AFG2B: variants seen among roughly 807,000 people sequenced by gnomAD.
AFG2B encodes the protein AAA ATPase AFG2B, also known as ATPase family gene 2 protein homolog B.
At chr15:45,409,270 G>A in the AFG2B span, among the ~76,000 whole-genome samples, 1 of 151,644 alleles carries the variant, frequency 6.6e-6, no homozygotes, top group Non-Finnish European at 1.5e-5. Context: ...CCAGCTACTC[G>A]GTAGGCTGAG....
chr15:45,406,591 G>T, the AFG2B span, among the ~76,000 whole-genome samples: 1 of 152,040 alleles, frequency 6.6e-6, no homozygotes, highest in Admixed American at 6.5e-5. Context: ...AACTTTGTTG[G>T]TTGTAAAATC....
the AFG2B span, among the ~76,000 whole-genome samples, chr15:45,404,832 A>AT: frequency 3.3e-5 from 5 of 151,334 alleles, no homozygotes; most frequent in African/African-American, 1.2e-4. Context: ...AAGAAAAAAA[A>AT]AATATATATA....
the AFG2B span, among the ~76,000 whole-genome samples, chr15:45,403,771 A>G: frequency 7.2e-5 from 11 of 152,130 alleles, no homozygotes; most frequent in Admixed American, 3.9e-4. Context: ...CCCAGAGTCT[A>G]ATTGTTTTGG....
chr15:45,415,506 A>C, the AFG2B span: 2 of 1,315,506 alleles, frequency 1.5e-6, no homozygotes, highest in Non-Finnish European at 2.1e-6. Context: ...AAAAAAAAAA[A>C]AAAAAACAGG....
the AFG2B span, chr15:45,407,070 G>T: frequency 4.7e-5 from 61 of 1,289,206 alleles, 1 homozygote; most frequent in East Asian, 2.8e-3. Context: ...AGGTGGACCA[G>T]TCAGCTGCTG....
the AFG2B span, chr15:45,418,408 A>G: frequency 1.8e-6 from 1 of 569,202 alleles, no homozygotes; most frequent in Non-Finnish European, 2.8e-6. Context: ...CCATTGTCAT[A>G]TAAGCCATTG....
chr15:45,419,273 C>T, the AFG2B span, among the ~76,000 whole-genome samples: 1 of 151,990 alleles, frequency 6.6e-6, no homozygotes. Context: ...TACAGTGAGA[C>T]CCCATCTCTA....
At chr15:45,420,015 C>CA in the AFG2B span, among the ~76,000 whole-genome samples, 2 of 75,470 alleles carry the variant, frequency 2.7e-5, no homozygotes, top group Non-Finnish European at 5.1e-5. Context: ...AAAAAAAAAA[C>CA]AAAAAACAAA....
At chr15:45,412,926 C>T in the AFG2B span, among the ~76,000 whole-genome samples, 1 of 152,136 alleles carries the variant, frequency 6.6e-6, no homozygotes, top group Non-Finnish European at 1.5e-5. Context: ...GTTTCTCTAA[C>T]CACACACATA....
chr15:45,419,445 G>A, the AFG2B span, among the ~76,000 whole-genome samples: 1 of 151,564 alleles, frequency 6.6e-6, no homozygotes, highest in African/African-American at 2.4e-5. Context: ...CTGGGTGACA[G>A]AGTGAGACTC....
chr15:45,405,693 A>C, the AFG2B span, among the ~76,000 whole-genome samples: 1 of 152,202 alleles, frequency 6.6e-6, no homozygotes, highest in Non-Finnish European at 1.5e-5. Flanking sequence ...TAAAGGGCTG[A>C]GTCCTCTGGG....
chr15:45,415,553 A>T, the AFG2B span: 3 of 1,579,974 alleles, frequency 1.9e-6, no homozygotes, highest in South Asian at 1.1e-5. Context: ...AATGTATAAC[A>T]TATAGCTTTT....
At chr15:45,416,896 C>T in the AFG2B span, 1 of 156,334 alleles carries the variant, frequency 6.4e-6, no homozygotes, top group Non-Finnish European at 1.4e-5. Context: ...CATATATCTC[C>T]ACCGGTTGGT....
At chr15:45,410,870 A>G in the AFG2B span, among the ~76,000 whole-genome samples, 1 of 152,128 alleles carries the variant, frequency 6.6e-6, no homozygotes, top group Admixed American at 6.5e-5. Context: ...AGCCTGGGCA[A>G]CATAGCAAGC....
the AFG2B span, chr15:45,410,615 C>G: frequency 3.8e-6 from 5 of 1,299,940 alleles, no homozygotes; most frequent in Non-Finnish European, 5.2e-6. Context: ...TGCGCTGAAA[C>G]TGCTCTTGCT....
the AFG2B span, chr15:45,402,715 C>T: frequency 6.4e-7 from 1 of 1,565,352 alleles, no homozygotes; most frequent in Admixed American, 1.8e-5. Flanking sequence ...GAGTCTCAGC[C>T]TGAATCGCCT....
chr15:45,407,297 A>G, the AFG2B span: 1 of 1,097,430 alleles, frequency 9.1e-7, no homozygotes, highest in Non-Finnish European at 1.2e-6. Flanking sequence ...ACCAGGGCAG[A>G]TAAGGGATAC....
At chr15:45,418,892 T>C in the AFG2B span, among the ~76,000 whole-genome samples, 5 of 152,036 alleles carry the variant, frequency 3.3e-5, no homozygotes, top group East Asian at 7.7e-4. Flanking sequence ...GAGTTGGCAA[T>C]TGAAAATATG....
At chr15:45,408,110 A>G in the AFG2B span, among the ~76,000 whole-genome samples, 15 of 152,280 alleles carry the variant, frequency 9.9e-5, no homozygotes, top group Non-Finnish European at 1.5e-4. Context: ...CAACAGTCCA[A>G]GAGAAAATGG....
Sources: gnomAD v4.1 joint callset for allele counts (sites outside exome capture counted in the v4.1 genomes callset) on GRCh38, gnomAD v4.1.1 for gene constraint, MANE v1.5 for transcripts, NCBI Gene and HGNC (gene_info 2026-07-23, HGNC 2026-07-21) for gene names.